The following CWF19L2 variants were observed in gnomAD, a reference collection of about 807,000 sequenced individuals.
The protein encoded by CWF19L2 is CWF19-like protein 2.
CWF19L2 carries 98 observed loss-of-function variants against 111.7 expected under a neutral mutation model. That is an observed-to-expected ratio of 0.88 (90% CI 0.75 to 1.04). The LOEUF (loss-of-function observed/expected upper bound fraction) is 1.04, where lower values mean the gene tolerates loss of function less well. CWF19L2 is among the 50% of genes least tolerant of loss of function. CWF19L2 has a pLI of 0.00. For synonymous variants in CWF19L2, 351 were observed against 342.9 expected, an observed-to-expected ratio of 1.02 and a Z score of -0.26; for missense variants, 1,101 against 1,051.4, an observed-to-expected ratio of 1.05 and a Z score of -0.65.
At chr11:107,402,839 A>G (rs1175232754) in intron 10 of CWF19L2, among the ~76,000 whole-genome samples, 2 of 141,334 alleles carry the variant, frequency 1.4e-5, no homozygotes, top group African/African-American at 5.3e-5. Flanking sequence ...CCAAATGCCC[A>G]TCAATCAACG....
chr11:107,377,523 C>T (rs7479289), intron 12 of CWF19L2, among the ~76,000 whole-genome samples: 1 of 2,202 alleles, frequency 4.5e-4, no homozygotes, highest in South Asian at 9.3e-3. Context: ...GGAAAGGATT[C>T]CCTATTTAAT....
chr11:107,451,188 T>C (rs1211621157), intron 3 of CWF19L2, among the ~76,000 whole-genome samples: 1 of 151,242 alleles, frequency 6.6e-6, no homozygotes, highest in Non-Finnish European at 1.5e-5. Flanking sequence ...AAAAAAAAAC[T>C]AGAAAAATCC....
chr11:107,408,022 T>G (rs1010675692), intron 10 of CWF19L2, among the ~76,000 whole-genome samples: 1 of 151,916 alleles, frequency 6.6e-6, no homozygotes, highest in African/African-American at 2.4e-5. Context: ...TAGTCATAAA[T>G]AGAATAGCTT....
intron 12 of CWF19L2, among the ~76,000 whole-genome samples, chr11:107,388,018 T>G (rs1049678028): frequency 6.6e-6 from 1 of 152,194 alleles, no homozygotes; most frequent in African/African-American, 2.4e-5. Context: ...AGCTTGTCTC[T>G]GCTTCAGATC....
At chr11:107,352,267 T>A (rs1860166149) in intron 13 of CWF19L2, among the ~76,000 whole-genome samples, 1 of 99,866 alleles carries the variant, frequency 1.0e-5, no homozygotes, top group African/African-American at 4.8e-5. Context: ...TAAATATTCC[T>A]CTTTCGTGTT....
At chr11:107,387,976 C>T (rs540717617) in intron 12 of CWF19L2, among the ~76,000 whole-genome samples, 6 of 152,268 alleles carry the variant, frequency 3.9e-5, no homozygotes, top group African/African-American at 9.6e-5. Flanking sequence ...ACCAGTCACA[C>T]TTGTCTTTTT....
In CWF19L2 at chr11:107,336,640, C is replaced by G; in HGVS notation, c.2276G>C (p.Ser759Thr). The G allele has an allele frequency of 6.2e-7, 1 of 1,600,732 alleles. No individual in the cohort carries two copies. The highest frequency in any genetic ancestry group is 1.1e-5 in the South Asian group (1 of 88,892). Reference sequence around the variant, plus strand: ...AACCATGTGATACTGTTTCTTCATGCTCATATTAGTTTCCAAAAAAATGCA... The same window carrying G: ...AACCATGTGATACTGTTTCTTCATGGTCATATTAGTTTCCAAAAAAATGCA... ...LDCIFLETNM[S>T]MKKQYHMVYE... The change falls in exon 15 of 18, where the codon AGC becomes ACC. Residue 759 changes from serine (S) to threonine (T), a missense_variant. Ser to Thr is a moderately conservative substitution (Grantham distance 58, BLOSUM62 1). Coordinates refer to ENST00000282251, the MANE Select transcript of CWF19L2 (RefSeq NM_152434.3).
At chr11:107,418,508 C>G (rs943036819) in intron 8 of CWF19L2, among the ~76,000 whole-genome samples, 17 of 152,104 alleles carry the variant, frequency 1.1e-4, no homozygotes, top group African/African-American at 4.1e-4. Context: ...AATAACTGAT[C>G]AAAATCCCAA....
Position 107,371,012 on chromosome 11 carries a change from C to CTT in CWF19L2, c.1873-17278_1873-17277dup, listed in dbSNP as rs577136063. On this transcript the variant is annotated intron_variant, in intron 12 of 17. Coordinates refer to ENST00000282251, the MANE Select transcript of CWF19L2 (RefSeq NM_152434.3). ...CACGATGTTAAGATTTCTAGTTTCT[C>CTT]TTTTTTTTTTTTTTTTTTTGAGACG... Among the ~76,000 whole-genome samples, 423 of 100,018 alleles carry CTT rather than the reference C, an allele frequency of 4.2e-3. 41 individuals are homozygous for CTT. The highest frequency in any genetic ancestry group is 7.5e-3 in the African/African-American group (178 of 23,860). The allele number at this position is 100,018 out of a possible 152,430, so 65.6% of individuals were successfully genotyped here.
intron 12 of CWF19L2, among the ~76,000 whole-genome samples, chr11:107,372,083 T>C (rs1399718550): frequency 7.4e-6 from 1 of 135,220 alleles, no homozygotes; most frequent in Non-Finnish European, 1.6e-5. Flanking sequence ...GTCCCAAATA[T>C]GAGACTCCAG....
At chr11:107,353,030 C>T (rs1402676050) in intron 13 of CWF19L2, among the ~76,000 whole-genome samples, 1 of 152,082 alleles carries the variant, frequency 6.6e-6, no homozygotes, top group Non-Finnish European at 1.5e-5. Context: ...CCATTTTATG[C>T]ATCTTTACTA....
intron 10 of CWF19L2, among the ~76,000 whole-genome samples, chr11:107,402,873 G>GTGTGTATATATATATATATATA (rs1247886311): frequency 3.6e-4 from 34 of 94,432 alleles, no homozygotes; most frequent in African/African-American, 1.2e-3. Context: ...ACTGTGGTGT[G>GTGTGTATATATATATATATATA]TATATATATA....
chr11:107,452,768 A>T (rs1402794272), intron 3 of CWF19L2, among the ~76,000 whole-genome samples: 1 of 152,204 alleles, frequency 6.6e-6, no homozygotes, highest in Non-Finnish European at 1.5e-5. Flanking sequence ...GAGGCAGGAG[A>T]TCACTAGAGC....
chr11:107,428,757 T>C, intron 8 of CWF19L2, 42 bp downstream of exon 8: 1 of 1,438,786 alleles, frequency 7.0e-7, no homozygotes, highest in Non-Finnish European at 9.5e-7. Flanking sequence ...TTCTTTGAAC[T>C]CTCTGGATCT....
At chr11:107,351,002 G>A (rs963504577) in intron 13 of CWF19L2, among the ~76,000 whole-genome samples, 2 of 152,186 alleles carry the variant, frequency 1.3e-5, no homozygotes, top group Non-Finnish European at 2.9e-5. Flanking sequence ...GAAGAATTGG[G>A]CCTGTAGGCC....
intron 12 of CWF19L2, among the ~76,000 whole-genome samples, chr11:107,362,406 G>C (rs1860365884): frequency 6.6e-6 from 1 of 151,970 alleles, no homozygotes; most frequent in African/African-American, 2.4e-5. Context: ...AGTAACCTCT[G>C]CAGACTTAAA....
At chr11:107,414,317 C>T (rs978846656) in intron 10 of CWF19L2, among the ~76,000 whole-genome samples, 3 of 152,038 alleles carry the variant, frequency 2.0e-5, no homozygotes, top group African/African-American at 7.2e-5. Context: ...CTCAGCCTCC[C>T]AAGTAGCTGG....
At chr11:107,380,456 C>A (rs1860668812) in intron 12 of CWF19L2, among the ~76,000 whole-genome samples, 1 of 152,166 alleles carries the variant, frequency 6.6e-6, no homozygotes, top group South Asian at 2.1e-4. Context: ...TCTGAGAGAA[C>A]TGTCCAAAAG....
intron 10 of CWF19L2, chr11:107,403,746 C>A: frequency 1.1e-6 from 1 of 884,570 alleles, no homozygotes; most frequent in Non-Finnish European, 1.9e-6. Context: ...TGCTTTTTGC[C>A]GGTCTGTTCC....
Sources: allele counts gnomAD v4.1 joint callset (sites outside exome capture counted in the v4.1 genomes callset), GRCh38; gene constraint gnomAD v4.1.1; transcripts MANE v1.5; gene names NCBI Gene and HGNC (gene_info 2026-07-23, HGNC 2026-07-21).